The following EMP2 variants were observed in gnomAD, a reference collection of about 807,000 sequenced individuals.
The protein encoded by EMP2 is epithelial membrane protein 2.
In EMP2, 19 loss-of-function variants were observed where a neutral mutation model predicts 13.7. The observed-to-expected ratio is 1.38, with a 90% CI of 0.97 to 2.03. The LOEUF (loss-of-function observed/expected upper bound fraction) is 2.03, where lower values mean the gene tolerates loss of function less well. Among genes scored for constraint, EMP2 ranks in the 30% most tolerant of loss-of-function variants. The pLI is 0.00. For synonymous variants in EMP2, 97 were observed against 84.7 expected (o/e 1.15, Z -0.80); for missense variants, 253 against 220.7 (o/e 1.15, Z -0.93).
At chr16:10,577,169 T>C (rs956768552) in intron 1 of EMP2, among the ~76,000 whole-genome samples, 33 of 152,212 alleles carry the variant, frequency 2.2e-4, no homozygotes, top group African/African-American at 6.8e-4. Flanking sequence ...TGAGTGTCCC[T>C]AGCTGTCAGT....
At chr16:10,536,684 A>G (rs901025620) in intron 4 of EMP2, among the ~76,000 whole-genome samples, 2 of 152,048 alleles carry the variant, frequency 1.3e-5, no homozygotes, top group Admixed American at 6.6e-5. Flanking sequence ...GTGGTACAGC[A>G]CCCCACAGCT....
At chr16:10,568,298 C>A (rs2050922903) in intron 1 of EMP2, among the ~76,000 whole-genome samples, 1 of 152,230 alleles carries the variant, frequency 6.6e-6, no homozygotes, top group African/African-American at 2.4e-5. Flanking sequence ...AAAGCACCAG[C>A]TGCCTCACGT....
At chr16:10,541,274 T>C (rs1422131758) in intron 3 of EMP2, among the ~76,000 whole-genome samples, 1 of 152,112 alleles carries the variant, frequency 6.6e-6, no homozygotes, top group Non-Finnish European at 1.5e-5. Flanking sequence ...AAAAGTGGGC[T>C]ATTTTAAAAG....
chr16:10,575,702 G>A (rs2050979910), intron 1 of EMP2, among the ~76,000 whole-genome samples: 1 of 152,180 alleles, frequency 6.6e-6, no homozygotes, highest in South Asian at 2.1e-4. Context: ...CTCTCCCTCA[G>A]CCTTCCTTTG....
intron 4 of EMP2, among the ~76,000 whole-genome samples, 156 bp from the exon 5 acceptor site, chr16:10,533,248 G>C (rs1343338203): frequency 6.6e-6 from 1 of 152,124 alleles, no homozygotes; most frequent in African/African-American, 2.4e-5. Context: ...ATGTCACCCA[G>C]GCTGGTCTTG....
chr16:10,548,961 G>A (rs771148730), intron 1 of EMP2, among the ~76,000 whole-genome samples: 2 of 152,176 alleles, frequency 1.3e-5, no homozygotes, highest in African/African-American at 2.4e-5. Context: ...GAGGGCAGCA[G>A]GTACTTGTGA....
chr16:10,548,228 C>A (rs1185245492), intron 1 of EMP2, among the ~76,000 whole-genome samples: 2 of 152,106 alleles, frequency 1.3e-5, no homozygotes, highest in African/African-American at 2.4e-5. Context: ...AGAAAAGCAT[C>A]ACGTCTCTTG....
At chr16:10,563,806 A>G (rs930116955) in intron 1 of EMP2, among the ~76,000 whole-genome samples, 2 of 152,178 alleles carry the variant, frequency 1.3e-5, no homozygotes, top group African/African-American at 4.8e-5. Context: ...TGGTATCCCT[A>G]CCCCTTGGAC....
At chr16:10,553,228 G>T (rs553286170) in intron 1 of EMP2, among the ~76,000 whole-genome samples, 3 of 152,132 alleles carry the variant, frequency 2.0e-5, no homozygotes, top group African/African-American at 7.2e-5. Context: ...CACTATTCCC[G>T]ACGCCAGTCA....
At chr16:10,559,456 G>A (rs1222767186) in intron 1 of EMP2, among the ~76,000 whole-genome samples, 1 of 152,216 alleles carries the variant, frequency 6.6e-6, no homozygotes, top group African/African-American at 2.4e-5. Flanking sequence ...CGGGACACTG[G>A]AATTTGGCAG....
chr16:10,548,216 T>G (rs1315633788), intron 1 of EMP2, among the ~76,000 whole-genome samples: 1 of 152,132 alleles, frequency 6.6e-6, no homozygotes, highest in African/African-American at 2.4e-5. Flanking sequence ...AATCCCTAAT[T>G]GAGAAAAGCA....
Position 10,532,818 on chromosome 16 carries a change from A to G in EMP2, c.*87T>C. On this transcript the variant is annotated 3_prime_UTR_variant, in exon 5 of 5. Coordinates refer to ENST00000359543, the MANE Select transcript of EMP2 (RefSeq NM_001424.6). ...TAAAGGAAACAATACGTTTGCTAGA[A>G]AAACCTCAAAAAATAATGATTATAT... is the stretch of plus-strand genomic sequence containing the variant. 2 of 923,450 alleles carry G rather than the reference A, an allele frequency of 2.2e-6. No homozygotes were observed. The highest frequency in any genetic ancestry group is 3.9e-5 in the South Asian group (1 of 25,330). The allele number at this position is 923,450 out of a possible 1,614,324, so 57.2% of individuals were successfully genotyped here.
At chr16:10,571,885 A>C (rs1332018055) in intron 1 of EMP2, among the ~76,000 whole-genome samples, 1 of 152,194 alleles carries the variant, frequency 6.6e-6, no homozygotes, top group Admixed American at 6.5e-5. Flanking sequence ...AGAGGCCACC[A>C]CTGTTGGCTC....
chr16:10,531,105 G>A lies in EMP2; in HGVS notation c.*1800C>T, dbSNP rs2050596797. ...TCCTGCCTCAGCCTCCTAAGTAGCT[G>A]GGATTACAGGCACCTGCCACCACAC... On this transcript the variant is annotated 3_prime_UTR_variant, in exon 5 of 5. Coordinates refer to ENST00000359543, the MANE Select transcript of EMP2 (RefSeq NM_001424.6). 1 of 152,106 alleles carries A rather than the reference G, an allele frequency of 6.6e-6. No homozygotes were observed. Among genetic ancestry groups the A allele is most frequent in the Non-Finnish European group, 1.5e-5 (1 of 68,072 alleles). 9.4% of individuals were successfully genotyped at this position (152,106 alleles called of 1,614,324 possible). A position where few individuals can be genotyped will look rare whatever the true frequency, so the allele number is the denominator to read the frequency against.
intron 3 of EMP2, among the ~76,000 whole-genome samples, chr16:10,540,039 G>A (rs8048143): frequency 5.9e-5 from 9 of 152,164 alleles, no homozygotes; most frequent in South Asian, 2.1e-4. Flanking sequence ...GGAAAACATG[G>A]CTTTGGGGGA....
chr16:10,578,728 G>A (rs2051001668), intron 1 of EMP2, among the ~76,000 whole-genome samples: 1 of 152,224 alleles, frequency 6.6e-6, no homozygotes, highest in Non-Finnish European at 1.5e-5. Flanking sequence ...GAGGCTCCAG[G>A]CTATGTGGCC....
rs185179931 is a variant in EMP2 at position 10,547,231 on chromosome 16, C to A, written c.78+309G>T. On this transcript the variant is annotated intron_variant, in intron 2 of 4. Transcript: ENST00000359543. ...GTGGGAGGTAACTGAATCATGGGAG[C>A]AAGTTTATCCCATACTGTTCTTGTG... The A allele has an allele frequency of 2.9e-3, 656 of 226,762 alleles. 17 individuals carry two copies. The East Asian group carries it at 0.055, about 19-fold the overall frequency. 14.0% of individuals were successfully genotyped at this position (226,762 alleles called of 1,614,324 possible).
intron 3 of EMP2, among the ~76,000 whole-genome samples, chr16:10,542,688 T>G (rs1567202413): frequency 6.6e-6 from 1 of 152,212 alleles, no homozygotes; most frequent in African/African-American, 2.4e-5. Flanking sequence ...TTGAATGGGA[T>G]TTTCTGTATT....
At chr16:10,539,797 A>G (rs2050680193) in intron 3 of EMP2, among the ~76,000 whole-genome samples, 2 of 152,152 alleles carry the variant, frequency 1.3e-5, no homozygotes, top group South Asian at 4.1e-4. Flanking sequence ...GAGAGCGGGC[A>G]CGAGGGCTTC....
Sources: gnomAD v4.1 joint callset for allele counts (sites outside exome capture counted in the v4.1 genomes callset) on GRCh38, gnomAD v4.1.1 for gene constraint, MANE v1.5 for transcripts, NCBI Gene and HGNC (gene_info 2026-07-23, HGNC 2026-07-21) for gene names.